The following DTNA variants were observed in gnomAD, a reference collection of about 807,000 sequenced individuals.
DTNA encodes the protein dystrophin-related protein 3.
A neutral mutation model predicts 100.7 loss-of-function variants in DTNA; 43 were observed. The observed-to-expected ratio is 0.43, with a 90% CI of 0.33 to 0.55. The LOEUF is 0.55. Ranked by LOEUF, DTNA falls within the 20% of genes least tolerant of loss-of-function variation. The pLI is 0.04. For synonymous variants in DTNA, 349 were observed against 347.9 expected, an observed-to-expected ratio of 1.00 and a Z score of -0.04; for missense variants, 798 against 953.9, an observed-to-expected ratio of 0.84 and a Z score of 2.15.
chr18:34,815,961 C>T lies in DTNA; in HGVS notation c.656C>T (p.Pro219Leu), dbSNP rs749022423. ...GACACGCTTATGTCAGATCCTCCCC[C>T]GCAGTGTCTGGTCTGGTTGCCTCTT... ...FLDTLMSDPP[P>L]QCLVWLPLLH... Residue 219 changes from proline (P) to leucine (L), a missense_variant, in exon 7 of 23, where the codon CCG (proline) becomes CTG (leucine). Coordinates refer to ENST00000444659, the MANE Select transcript of DTNA (RefSeq NM_001386795.1). 2.5e-6 allele frequency: 4 copies of T among 1,613,896 alleles called. No individual in the cohort carries two copies. The highest frequency in any genetic ancestry group is 1.1e-5 in the South Asian group (1 of 91,068).
At chr18:34,504,296 T>G (rs1273798109) in intron 1 of DTNA, 3 of 152,178 alleles carry the variant, frequency 2.0e-5, no homozygotes, top group African/African-American at 4.8e-5. Flanking sequence ...CTTTACAGCC[T>G]CCATTTATAA....
At chr18:34,697,752 G>A (rs1211532036) in intron 1 of DTNA, among the ~76,000 whole-genome samples, 1 of 152,056 alleles carries the variant, frequency 6.6e-6, no homozygotes, top group Non-Finnish European at 1.5e-5. Flanking sequence ...GGAGAGGATA[G>A]GCCGATTCTT....
chr18:34,637,214 C>T (rs1353443563), intron 1 of DTNA, among the ~76,000 whole-genome samples: 1 of 152,126 alleles, frequency 6.6e-6, no homozygotes, highest in Non-Finnish European at 1.5e-5. Flanking sequence ...TATCTTCAGC[C>T]CTACATATAA....
intron 1 of DTNA, among the ~76,000 whole-genome samples, chr18:34,704,767 C>T (rs1329418225): frequency 6.6e-6 from 1 of 152,124 alleles, no homozygotes; most frequent in Non-Finnish European, 1.5e-5. Flanking sequence ...AACTAAGAAA[C>T]AATAATCTCT....
At chr18:34,553,672 C>G (rs2045702833) in intron 1 of DTNA, among the ~76,000 whole-genome samples, 1 of 151,112 alleles carries the variant, frequency 6.6e-6, no homozygotes, top group African/African-American at 2.4e-5. Context: ...TCAGGTTTGT[C>G]AAAGATCAGA....
Position 34,581,077 on chromosome 18 carries a change from C to G in DTNA, c.-2+87563C>G, listed in dbSNP as rs112843500. On this transcript the variant is annotated intron_variant, in intron 1 of 19. Transcript: ENST00000283365. ...TGGCTAACACGGTGAAACCCTGTCTCTACTAAAAATACAAAAAAAAAATTA... is the reference window on the plus strand; with the variant it reads ...TGGCTAACACGGTGAAACCCTGTCTGTACTAAAAATACAAAAAAAAAATTA... Among the ~76,000 whole-genome samples, 624 of 150,486 alleles carry G rather than the reference C, an allele frequency of 4.1e-3. 1 individual carries two copies. The highest frequency in any genetic ancestry group is 0.012 in the Admixed American group (178 of 15,210).
chr18:34,675,945 G>T (rs895976089), intron 1 of DTNA, among the ~76,000 whole-genome samples: 4 of 152,178 alleles, frequency 2.6e-5, no homozygotes, highest in Non-Finnish European at 5.9e-5. Context: ...GGTAGTGGCA[G>T]TACAGGGGAA....
chr18:34,587,059 C>G (rs939670412), intron 1 of DTNA, among the ~76,000 whole-genome samples: 10 of 151,848 alleles, frequency 6.6e-5, no homozygotes, highest in Admixed American at 6.6e-4. Context: ...AAGTCCTGGG[C>G]TCAAGCAATC....
intron 1 of DTNA, among the ~76,000 whole-genome samples, chr18:34,596,165 C>G (rs1394708637): frequency 5.9e-5 from 9 of 152,160 alleles, no homozygotes; most frequent in Admixed American, 5.9e-4. Flanking sequence ...TATGCCAAAT[C>G]TTCACCATCT....
chr18:34,697,538 A>G (rs2080748251), intron 1 of DTNA, among the ~76,000 whole-genome samples: 1 of 152,072 alleles, frequency 6.6e-6, no homozygotes, highest in African/African-American at 2.4e-5. Flanking sequence ...AAGAGATGAC[A>G]TTGTTAGAAG....
intron 11 of DTNA, among the ~76,000 whole-genome samples, chr18:34,831,861 A>G (rs766758806): frequency 2.4e-4 from 36 of 152,220 alleles, no homozygotes; most frequent in Admixed American, 7.2e-4. Context: ...GATCCCTCCA[A>G]GAGGAGCAGA....
At chr18:34,810,297 G>T (rs550451703) in intron 5 of DTNA, among the ~76,000 whole-genome samples, 115 of 152,212 alleles carry the variant, frequency 7.6e-4, no homozygotes, top group African/African-American at 2.6e-3. Flanking sequence ...AAATTCTTCA[G>T]TATCTCCCTC....
chr18:34,573,755 G>C (rs1333371414), intron 1 of DTNA, among the ~76,000 whole-genome samples: 4 of 152,120 alleles, frequency 2.6e-5, no homozygotes, highest in Non-Finnish European at 5.9e-5. Flanking sequence ...ATCATACATT[G>C]TTACTAACTA....
At chr18:34,745,655 C>T (rs1276847038) in intron 1 of DTNA, among the ~76,000 whole-genome samples, 2 of 152,124 alleles carry the variant, frequency 1.3e-5, no homozygotes, top group Admixed American at 6.6e-5. Context: ...CTTTGCAGGT[C>T]GCCAGCAAGC....
chr18:34,818,904 A>G (rs1006029869), intron 8 of DTNA, among the ~76,000 whole-genome samples: 4 of 152,144 alleles, frequency 2.6e-5, no homozygotes, highest in East Asian at 1.9e-4. Flanking sequence ...CAAAGGTGGC[A>G]TGTGAGTGTC....
intron 1 of DTNA, among the ~76,000 whole-genome samples, chr18:34,639,633 A>G (rs2059046921): frequency 6.6e-6 from 1 of 152,124 alleles, no homozygotes; most frequent in Admixed American, 6.5e-5. Context: ...CTTCAGCAAA[A>G]GGCTTTTATG....
At chr18:34,555,705 C>T (rs2045958269) in intron 1 of DTNA, among the ~76,000 whole-genome samples, 1 of 152,076 alleles carries the variant, frequency 6.6e-6, no homozygotes, top group Non-Finnish European at 1.5e-5. Context: ...ATTCTTAATT[C>T]TGAGTTCTAG....
intron 1 of DTNA, among the ~76,000 whole-genome samples, chr18:34,590,109 A>G (rs770982000): frequency 4.6e-5 from 7 of 152,334 alleles, no homozygotes; most frequent in Non-Finnish European, 1.0e-4. Context: ...TCCTTTGGGT[A>G]TATACCCATA....
At chr18:34,673,771 T>C (rs1485426754) in intron 1 of DTNA, among the ~76,000 whole-genome samples, 1 of 152,218 alleles carries the variant, frequency 6.6e-6, no homozygotes, top group Non-Finnish European at 1.5e-5. Context: ...TGTCCAAATA[T>C]TGTTCTCTCT....
Sources: allele counts gnomAD v4.1 joint callset (sites outside exome capture counted in the v4.1 genomes callset), GRCh38; gene constraint gnomAD v4.1.1; transcripts MANE v1.5; gene names NCBI Gene and HGNC (gene_info 2026-07-23, HGNC 2026-07-21).